Variants in G3BP2 observed in about 807,000 individuals in gnomAD.
The protein encoded by G3BP2 is G3BP stress granule assembly factor 2.
G3BP2 carries 11 observed loss-of-function variants against 56.7 expected under a neutral mutation model. The ratio of observed to expected loss-of-function variants is 0.19; its 90% confidence interval spans 0.12 to 0.32. G3BP2 has a LOEUF of 0.32. G3BP2 is among the 10% of genes least tolerant of loss of function. G3BP2 has a pLI of 1.00. For synonymous variants in G3BP2, 165 were observed against 191.6 expected (o/e 0.86, Z 1.15); for missense variants, 340 against 610.9 (o/e 0.56, Z 4.67).
intron 1 of G3BP2, among the ~76,000 whole-genome samples, chr4:75,667,272 G>A (rs1036713975): frequency 1.4e-5 from 2 of 138,002 alleles, no homozygotes; most frequent in Non-Finnish European, 3.1e-5. Context: ...CTGGGTAACA[G>A]GAGTGAGACA....
intron 3 of G3BP2, among the ~76,000 whole-genome samples, chr4:75,714,408 C>T (rs994391474): frequency 1.3e-5 from 2 of 152,192 alleles, no homozygotes; most frequent in African/African-American, 2.4e-5. Context: ...GGGCAGATCA[C>T]GTGAGGTCAG....
chr4:75,712,588 GTTTC>G, intron 3 of G3BP2, among the ~76,000 whole-genome samples: 1 of 152,226 alleles, frequency 6.6e-6, no homozygotes, highest in South Asian at 2.1e-4. Context: ...ATATGATTGT[GTTTC>G]TTTATAAAGC....
chr4:75,681,563 T>C (rs978302154), intron 3 of G3BP2, among the ~76,000 whole-genome samples: 1 of 150,948 alleles, frequency 6.6e-6, no homozygotes, highest in Non-Finnish European at 1.5e-5. Context: ...AGAAAAATTA[T>C]AACAGGCCAG....
rs1718938418 is a variant in G3BP2, at chr4:75,693,119, C to T, written c.-25+27758G>A. Among the ~76,000 whole-genome samples the T allele has an allele frequency of 2.6e-5, 4 of 152,154 alleles. No homozygotes were observed. In the South Asian group the frequency reaches 8.3e-4, roughly 32 times the overall value. ...ATTAGACGGGTGTGGTGGTACACGC[C>T]TGTAGTCCCAGCCACTCAGGAGGCT... is the stretch of plus-strand genomic sequence containing the variant. On this transcript the variant is annotated intron_variant, in intron 3 of 3. Coordinates refer to the G3BP2 transcript ENST00000499709.
chr4:75,715,181 G>T (rs1719887886), intron 3 of G3BP2, among the ~76,000 whole-genome samples: 1 of 152,160 alleles, frequency 6.6e-6, no homozygotes, highest in Admixed American at 6.5e-5. Flanking sequence ...ACAGAAGACT[G>T]CCTATGGCAG....
chr4:75,659,545 ATCTT>A (rs1732382880), intron 2 of G3BP2, among the ~76,000 whole-genome samples: 1 of 152,218 alleles, frequency 6.6e-6, no homozygotes, highest in African/African-American at 2.4e-5. Flanking sequence ...TAGAATTAAC[ATCTT>A]TCTAAATTAA....
At chr4:75,659,825 A>G (rs1003344316) in intron 2 of G3BP2, among the ~76,000 whole-genome samples, 1 of 152,230 alleles carries the variant, frequency 6.6e-6, no homozygotes, top group African/African-American at 2.4e-5. Flanking sequence ...TTGAGAGTCC[A>G]TGCTTTTAAC....
At position 75,657,748 on chromosome 4, in the gene G3BP2, G is replaced by A. The variant is rs781196063; in HGVS notation, c.178-18C>T. The A allele has an allele frequency of 5.7e-5, 88 of 1,535,414 alleles. No individual in the cohort carries two copies. Among genetic ancestry groups the A allele is most frequent in the Non-Finnish European group, 7.3e-5 (81 of 1,115,764 alleles). On this transcript the variant is annotated intron_variant, in intron 3 of 11. Coordinates refer to ENST00000359707, the MANE Select transcript of G3BP2 (RefSeq NM_203505.3). ...TGTATATCCTTTATTAGGGAGGGAG[G>A]GAAAAATATAAACTCTGTGATACTG... is the stretch of plus-strand genomic sequence containing the variant.
intron 7 of G3BP2, chr4:75,654,787 C>T (rs962761450): frequency 5.2e-5 from 16 of 309,728 alleles, no homozygotes; most frequent in African/African-American, 2.6e-4. Context: ...GAACAACTGA[C>T]AGCTCTATAC....
chr4:75,699,999 T>C (rs1719275556), intron 3 of G3BP2, among the ~76,000 whole-genome samples: 1 of 152,200 alleles, frequency 6.6e-6, no homozygotes, highest in East Asian at 1.9e-4. Context: ...GCAATTATTG[T>C]TAAAATATGC....
chr4:75,678,600 A>G (rs1436278419), intron 3 of G3BP2, among the ~76,000 whole-genome samples: 5 of 152,198 alleles, frequency 3.3e-5, no homozygotes, highest in Non-Finnish European at 5.9e-5. Flanking sequence ...GGATCACTTG[A>G]ACCCAGGAGT....
In G3BP2 at chr4:75,645,642, T is replaced by C; in HGVS notation, c.1237A>G (p.Arg413Gly). 1 of 1,614,086 alleles carries C rather than the reference T, an allele frequency of 6.2e-7. No individual in the cohort carries two copies. The highest frequency in any genetic ancestry group is 8.5e-7 in the Non-Finnish European group (1 of 1,179,970). ...CCACCACCTCTGGTTTCTCGCTCTC[T>C]TGCAGCTCTTGTTTTTTTCTCTTCC... Reference protein sequence around the residue: ...NVEEKKTRAARERETRGGGDD... With the variant: ...NVEEKKTRAAGERETRGGGDD... The change falls in exon 12 of 12, where the codon AGA (arginine) becomes GGA (glycine). Residue 413 changes from arginine to glycine, a missense_variant. Physicochemically the swap from Arg to Gly is moderately radical, Grantham distance 125. Transcript: ENST00000359707.
At chr4:75,675,885 CCACGTATGGTTTCTGTTG>C (rs150474172), upstream of G3BP2, among the ~76,000 whole-genome samples, 953 of 152,270 alleles carry the variant, frequency 6.3e-3, 9 homozygotes, top group African/African-American at 0.022. Flanking sequence ...GTTTTGAGCG[CCACGTATGGTTTCTGTTG>C]CATATTCCTC....
At chr4:75,686,571 TGGGGGTG>T (rs1718616782) in intron 3 of G3BP2, among the ~76,000 whole-genome samples, 1 of 3,380 alleles carries the variant, frequency 3.0e-4, no homozygotes, top group Admixed American at 4.1e-3. Context: ...TGGCGGGGGG[TGGGGGTG>T]GGGGGGCGGG....
chr4:75,665,628 C>CACACACACACACAA (rs1477028503), intron 1 of G3BP2, among the ~76,000 whole-genome samples: 1 of 5,310 alleles, frequency 1.9e-4, no homozygotes, highest in African/African-American at 3.1e-3. Context: ...AACACACAAA[C>CACACACACACACAA]ACACACACAC....
chr4:75,664,476 T>A (rs1366037952), intron 1 of G3BP2, among the ~76,000 whole-genome samples: 1 of 151,936 alleles, frequency 6.6e-6, no homozygotes, highest in Non-Finnish European at 1.5e-5. Flanking sequence ...CTTGGGAAGC[T>A]GAGGCAGGAG....
chr4:75,667,213 C>CG (rs573048249), intron 1 of G3BP2, among the ~76,000 whole-genome samples: 1 of 150,684 alleles, frequency 6.6e-6, no homozygotes, highest in Non-Finnish European at 1.5e-5. Context: ...TGCCTGAGCC[C>CG]GGGAAGTCAA....
intron 3 of G3BP2, among the ~76,000 whole-genome samples, chr4:75,697,852 T>G (rs1719185976): frequency 6.6e-6 from 1 of 152,152 alleles, no homozygotes; most frequent in South Asian, 2.1e-4. Flanking sequence ...GAGAATCCCT[T>G]GAACCCGGGA....
chr4:75,668,525 G>A (rs570493327), intron 1 of G3BP2, among the ~76,000 whole-genome samples: 1 of 152,096 alleles, frequency 6.6e-6, no homozygotes, highest in African/African-American at 2.4e-5. Context: ...AGAATAACGC[G>A]AGTTGTCCAA....
Sources: allele counts gnomAD v4.1 joint callset (sites outside exome capture counted in the v4.1 genomes callset), GRCh38; gene constraint gnomAD v4.1.1; transcripts MANE v1.5; gene names NCBI Gene and HGNC (gene_info 2026-07-23, HGNC 2026-07-21).